The following POLR3A variants were observed in gnomAD, a reference collection of about 807,000 sequenced individuals.
POLR3A encodes the protein RNA polymerase III subunit A, also known as DNA-directed RNA polymerase III subunit RPC1.
POLR3A carries 112 observed loss-of-function variants against 152.8 expected under a neutral mutation model. That is an observed-to-expected ratio of 0.73 (90% CI 0.63 to 0.86). The LOEUF is 0.86. Ranked by LOEUF, POLR3A falls within the 40% of genes least tolerant of loss-of-function variation. The pLI, the probability that POLR3A is intolerant of heterozygous loss-of-function variation, is 0.00. For synonymous variants in POLR3A, 615 were observed against 652.1 expected (o/e 0.94, Z 0.87); for missense variants, 1,385 against 1,743.1 (o/e 0.79, Z 3.66).
rs998767771 is a variant in POLR3A at position 77,991,187 on chromosome 10, T to C, written c.2788-20A>G. 7.0e-7 allele frequency: 1 copy of C among 1,425,966 alleles called. No homozygotes were observed. The highest frequency in any genetic ancestry group is 9.9e-7 in the Non-Finnish European group (1 of 1,008,636). 88.3% of individuals were successfully genotyped at this position (1,425,966 alleles called of 1,614,324 possible). A position where few individuals can be genotyped will look rare whatever the true frequency, so the allele number is the denominator to read the frequency against. On this transcript the variant is annotated intron_variant, in intron 20 of 30. Transcript: ENST00000372371. ...GACTGCCTTGAGTATTAAAAGAAAA[T>C]TGCATTATGTGTGGGTGCCACAGAG... is the stretch of plus-strand genomic sequence containing the variant.
rs1483466320 is a variant in POLR3A, at chr10:78,029,298, G to A, written c.44+66C>T. ...CCCCATCTCTGACCCTGCAAGACCC[G>A]GGACCGCTGACCTCGGACCCCTTGC... On this transcript the variant is annotated intron_variant, in intron 1 of 30. Transcript: ENST00000372371. 5.8e-6 allele frequency: 9 copies of A among 1,541,124 alleles called. No individual in the cohort carries two copies. The African/African-American group carries it at 6.8e-5, about 12-fold the overall frequency.
chr10:77,982,685 C>T lies in POLR3A; in HGVS notation c.3562G>A (p.Val1188Met), dbSNP rs140432781. The change falls in exon 27 of 31, where the codon GTG (valine) becomes ATG (methionine). Residue 1188 changes from valine to methionine, a missense_variant. This residue lies in a region of POLR3A where 332 missense variants were observed against 400.1 expected (regional missense o/e 0.83). Coordinates refer to ENST00000372371, the MANE Select transcript of POLR3A (RefSeq NM_007055.4). Reference sequence around the variant, plus strand: ...AGATCCTCTTTCAGGAACTGCAGCACGTAGTACATGGAGCTCTTGCTGTTC... The same window carrying T: ...AGATCCTCTTTCAGGAACTGCAGCATGTAGTACATGGAGCTCTTGCTGTTC... Reference protein sequence around the residue: ...RENSKSSMYYVLQFLKEDLPK... With the variant: ...RENSKSSMYYMLQFLKEDLPK... 24 of 1,613,698 alleles carry T rather than the reference C, an allele frequency of 1.5e-5. No individual in the cohort carries two copies. Among genetic ancestry groups the T allele is most frequent in the Admixed American group, 1.0e-4 (6 of 60,018 alleles).
intron 19 of POLR3A, among the ~76,000 whole-genome samples, chr10:77,993,875 C>T (rs1280439065): frequency 1.3e-5 from 2 of 152,160 alleles, no homozygotes; most frequent in Non-Finnish European, 2.9e-5. Context: ...CTTCTCAAAT[C>T]TGCTTAGGGA....
At chr10:78,002,920 T>A (rs964563472) in intron 16 of POLR3A, among the ~76,000 whole-genome samples, 2 of 152,226 alleles carry the variant, frequency 1.3e-5, no homozygotes, top group African/African-American at 4.8e-5. Flanking sequence ...AATATCTGTA[T>A]ATAAATAGCT....
At chr10:77,986,183 C>A (rs756720364) in intron 21 of POLR3A, 24 bp from the exon 22 acceptor site, 3 of 1,114,900 alleles carry the variant, frequency 2.7e-6, no homozygotes, top group Non-Finnish European at 4.1e-6. Flanking sequence ...CAGCAAACAT[C>A]ATTTGTAAGT....
intron 16 of POLR3A, among the ~76,000 whole-genome samples, chr10:78,003,935 AAAC>A (rs1434339453): frequency 1.3e-5 from 2 of 151,774 alleles, no homozygotes; most frequent in African/African-American, 2.4e-5. Context: ...TCTTAAAACA[AAAC>A]AACAACAAAA....
In POLR3A at chr10:77,993,320, C is replaced by G; in HGVS notation, c.2664G>C (p.Leu888=). The change falls in exon 20 of 31, where the codon CTG becomes CTC. Residue 888 remains leucine, a synonymous_variant. Transcript: ENST00000372371. ...TATCGCCAGTAGAGCTTCGGACTGT[C>G]AGATCATACTGGGAGCAAAGATCTT... The part of the protein sequence containing the change: ...SLEDLCSQYD[L]TVRSSTGDII... The G allele has an allele frequency of 6.2e-7, 1 of 1,613,452 alleles. No individual in the cohort carries two copies. Among genetic ancestry groups the G allele is most frequent in the East Asian group, 2.2e-5 (1 of 44,866 alleles).
rs774452992 is a variant in POLR3A, at chr10:78,029,421, G to A, written c.-14C>T. 39 of 1,613,826 alleles carry A rather than the reference G, an allele frequency of 2.4e-5. No individual in the cohort carries two copies. In the East Asian group the frequency reaches 8.5e-4, roughly 35 times the overall value. On this transcript the variant is annotated 5_prime_UTR_variant, in exon 1 of 31. Coordinates refer to ENST00000372371, the MANE Select transcript of POLR3A (RefSeq NM_007055.4). ...CTCCTTCACCATGATGACCGCTGCC[G>A]GGACGCCTCCTTGGCACTCGGGAGG...
At chr10:78,004,655 A>G in intron 16 of POLR3A, 61 bp downstream of exon 16, 1 of 1,332,382 alleles carries the variant, frequency 7.5e-7, no homozygotes, top group Non-Finnish European at 1.1e-6. Flanking sequence ...AACCCCAGAG[A>G]GCACCACCGT....
In POLR3A at chr10:78,021,578, G is replaced by C; in HGVS notation, c.1153C>G (p.His385Asp). 1 of 1,614,106 alleles carries C rather than the reference G, an allele frequency of 6.2e-7. No individual in the cohort carries two copies. Among genetic ancestry groups the C allele is most frequent in the South Asian group, 1.1e-5 (1 of 91,082 alleles). Residue 385 changes from histidine to aspartate, a missense_variant, in exon 8 of 31, where the codon CAT becomes GAT. By Grantham distance (81) the His-to-Asp change is moderately conservative (BLOSUM62 -1). Coordinates refer to ENST00000372371, the MANE Select transcript of POLR3A (RefSeq NM_007055.4). ...LRIDEVAVPV[H>D]VAKILTFPEK... ...GGAAAAGTTAGAATTTTGGCCACAT[G>C]AACTGGCACAGCTACCTCATCAATC...
Position 78,021,701 on chromosome 10 carries a change from G to A in POLR3A, c.1049-19C>T, listed in dbSNP as rs1483773953. 8 of 1,613,950 alleles carry A rather than the reference G, an allele frequency of 5.0e-6. No individual in the cohort carries two copies. Among genetic ancestry groups the A allele is most frequent in the Middle Eastern group, 1.7e-4 (1 of 6,046 alleles). ...AATCGACCTAAATAGCCAAAAACAT[G>A]TCATAGGTCCCCATGGCATACCATG... On this transcript the variant is annotated intron_variant, in intron 7 of 30. Coordinates refer to ENST00000372371, the MANE Select transcript of POLR3A (RefSeq NM_007055.4).
intron 19 of POLR3A, among the ~76,000 whole-genome samples, chr10:77,999,676 T>C (rs1847336790): frequency 6.6e-6 from 1 of 152,206 alleles, no homozygotes; most frequent in African/African-American, 2.4e-5. Context: ...CACGTGTTAG[T>C]AAAGCGAGGC....
chr10:78,000,055 A>G lies in POLR3A; in HGVS notation c.2542T>C (p.Phe848Leu), dbSNP rs1211210077. The change falls in exon 19 of 31, where the codon TTC (phenylalanine) becomes CTC (leucine). Residue 848 changes from phenylalanine to leucine, a missense_variant. Physicochemically the swap from Phe to Leu is conservative, Grantham distance 22. Coordinates refer to ENST00000372371, the MANE Select transcript of POLR3A (RefSeq NM_007055.4). ...TCCCGGCCGGCCATTGTGTGGAAGAAAAACTCAGTTGGTGTCAAACCGGAA... is the reference window on the plus strand; with the variant it reads ...TCCCGGCCGGCCATTGTGTGGAAGAGAAACTCAGTTGGTGTCAAACCGGAA... ...FYSGLTPTEFFFHTMAGREGL... is the reference protein window; with the variant it reads ...FYSGLTPTEFLFHTMAGREGL... The G allele has an allele frequency of 1.2e-6, 2 of 1,614,030 alleles. No individual in the cohort carries two copies. Among genetic ancestry groups the G allele is most frequent in the Admixed American group, 1.7e-5 (1 of 60,000 alleles).
Position 78,029,395 on chromosome 10 carries a change from G to C in POLR3A, c.13C>G (p.Gln5Glu). MVKE[Q>E]FRETDVAKKI... ...TTGGCCACATCCGTCTCCCGGAACTGCTCCTTCACCATGATGACCGCTGCC... is the reference window on the plus strand; with the variant it reads ...TTGGCCACATCCGTCTCCCGGAACTCCTCCTTCACCATGATGACCGCTGCC... The change falls in exon 1 of 31, where the codon CAG becomes GAG. Residue 5 changes from glutamine (Q) to glutamate (E), a missense_variant. Physicochemically the swap from Gln to Glu is conservative, Grantham distance 29. Coordinates refer to ENST00000372371, the MANE Select transcript of POLR3A (RefSeq NM_007055.4). 6.2e-7 allele frequency: 1 copy of C among 1,614,040 alleles called. No individual in the cohort carries two copies. The highest frequency in any genetic ancestry group is 8.5e-7 in the Non-Finnish European group (1 of 1,180,026).
intron 9 of POLR3A, among the ~76,000 whole-genome samples, chr10:78,018,394 G>A (rs1221070924): frequency 6.6e-6 from 1 of 151,616 alleles, no homozygotes; most frequent in African/African-American, 2.4e-5. Flanking sequence ...AGCTACTCGG[G>A]TGACTGAGGC....
rs1847102055 is a variant in POLR3A at position 77,977,614 on chromosome 10, C to T, written c.4037G>A (p.Cys1346Tyr). ...QKDSVCGVSE[C>Y]IIMGIPMNIG... ...GTTCATTGGGATTCCCATGATGATG[C>T]ACTCAGACACCCCTGAAACCAACCA... Residue 1346 changes from cysteine (C) to tyrosine (Y), a missense_variant, in exon 31 of 31, where the codon TGC becomes TAC. Physicochemically the swap from Cys to Tyr is radical, Grantham distance 194. Transcript: ENST00000372371. The T allele has an allele frequency of 1.2e-6, 2 of 1,613,376 alleles. No individual in the cohort carries two copies. Among genetic ancestry groups the T allele is most frequent in the South Asian group, 1.1e-5 (1 of 91,064 alleles).
At position 78,019,281 on chromosome 10, in the gene POLR3A, A is replaced by C; in HGVS notation, c.1186-16T>G. On this transcript the variant is annotated splice_polypyrimidine_tract_variant and intron_variant, in intron 8 of 30. Transcript: ENST00000372371. ...CTTTGTTTACCTGCAGTACAAAAAAACCACAATAAGTTACTCCCAGGTAAC... is the reference window on the plus strand; with the variant it reads ...CTTTGTTTACCTGCAGTACAAAAAACCCACAATAAGTTACTCCCAGGTAAC... 6.5e-7 allele frequency: 1 copy of C among 1,549,248 alleles called. No individual in the cohort carries two copies. The highest frequency in any genetic ancestry group is 8.9e-7 in the Non-Finnish European group (1 of 1,121,478).
At chr10:78,024,353 G>A (rs571552816) in intron 5 of POLR3A, among the ~76,000 whole-genome samples, 196 bp downstream of exon 5, 2 of 141,178 alleles carry the variant, frequency 1.4e-5, no homozygotes, top group African/African-American at 5.3e-5. Context: ...GAAAGAGCGA[G>A]ACTCTGTCTT....
At position 78,000,091 on chromosome 10, in the gene POLR3A, T is replaced by C; in HGVS notation, c.2506A>G (p.Asn836Asp). ...KLPAAKGFVA[N>D]SFYSGLTPTE... ...GGTGTCAAACCGGAATAAAAGCTATTAGCCACAAAGCCTTTGGCAGCTGGG... is the reference window on the plus strand; with the variant it reads ...GGTGTCAAACCGGAATAAAAGCTATCAGCCACAAAGCCTTTGGCAGCTGGG... Residue 836 changes from asparagine (N) to aspartate (D), a missense_variant, in exon 19 of 31, where the codon AAT (asparagine) becomes GAT (aspartate). By Grantham distance (23) the Asn-to-Asp change is conservative. Coordinates refer to ENST00000372371, the MANE Select transcript of POLR3A (RefSeq NM_007055.4). 1.2e-6 allele frequency: 2 copies of C among 1,614,010 alleles called. No homozygotes were observed. Among genetic ancestry groups the C allele is most frequent in the Non-Finnish European group, 1.7e-6 (2 of 1,179,960 alleles).
Sources: allele counts gnomAD v4.1 joint callset (sites outside exome capture counted in the v4.1 genomes callset), GRCh38; gene constraint gnomAD v4.1.1; regional missense constraint gnomAD v4.1.1; transcripts MANE v1.5; gene names NCBI Gene and HGNC (gene_info 2026-07-23, HGNC 2026-07-21).